Variants in JARID2 observed in about 807,000 individuals in gnomAD.
JARID2 encodes protein Jumonji.
JARID2 carries 21 observed loss-of-function variants against 125.6 expected under a neutral mutation model. The ratio of observed to expected loss-of-function variants is 0.17; its 90% CI spans 0.12 to 0.24. JARID2 has a LOEUF of 0.24. JARID2 is among the 10% of genes least tolerant of loss of function. The pLI is 1.00. For synonymous variants in JARID2, 736 were observed against 661.6 expected (o/e 1.11, Z -1.73); for missense variants, 1,303 against 1,639.6 (o/e 0.79, Z 3.55).
intron 1 of JARID2, among the ~76,000 whole-genome samples, chr6:15,324,848 T>C (rs1762484713): frequency 6.7e-6 from 1 of 149,060 alleles, no homozygotes; most frequent in African/African-American, 2.5e-5. Flanking sequence ...GGTTTTGTTA[T>C]TAAAAAAAAA....
chr6:15,300,911 G>T (rs1408213290), intron 1 of JARID2, among the ~76,000 whole-genome samples: 1 of 152,076 alleles, frequency 6.6e-6, no homozygotes, highest in African/African-American at 2.4e-5. Flanking sequence ...ACAGAAAAAG[G>T]TTAAGGTTAC....
intron 7 of JARID2, among the ~76,000 whole-genome samples, chr6:15,499,035 G>GA (rs1352273730): frequency 1.3e-5 from 2 of 152,102 alleles, no homozygotes; most frequent in African/African-American, 4.8e-5. Context: ...CTTTACCCTC[G>GA]ACTCCCTTAC....
intron 3 of JARID2, among the ~76,000 whole-genome samples, chr6:15,429,900 A>T (rs1213715353): frequency 6.6e-6 from 1 of 152,176 alleles, no homozygotes; most frequent in African/African-American, 2.4e-5. Context: ...TCCTTGGTAC[A>T]TCTGATTAGT....
chr6:15,416,073 C>T (rs1259209081), intron 3 of JARID2, among the ~76,000 whole-genome samples: 1 of 151,748 alleles, frequency 6.6e-6, no homozygotes, highest in African/African-American at 2.4e-5. Context: ...GAGGCGCTCC[C>T]CACATCTCAG....
chr6:15,339,330 G>A (rs960895645), intron 1 of JARID2, among the ~76,000 whole-genome samples: 4 of 152,098 alleles, frequency 2.6e-5, no homozygotes, highest in Non-Finnish European at 5.9e-5. Context: ...AATCCTAAAG[G>A]ATAAATATAT....
chr6:15,512,700 G>T (rs1402332475), intron 14 of JARID2, among the ~76,000 whole-genome samples: 3 of 152,152 alleles, frequency 2.0e-5, no homozygotes, highest in African/African-American at 7.2e-5. Flanking sequence ...TCGTGAGGGA[G>T]TGGCAGCTGC....
chr6:15,283,252 AC>A (rs1483930750), intron 1 of JARID2, among the ~76,000 whole-genome samples: 3 of 150,064 alleles, frequency 2.0e-5, no homozygotes, highest in Non-Finnish European at 4.4e-5. Context: ...TGCTGGGATT[AC>A]AGGTGTGAGC....
chr6:15,507,225 C>T lies in JARID2; in HGVS notation c.2631C>T (p.Phe877=). 2.5e-6 allele frequency: 4 copies of T among 1,613,666 alleles called. No homozygotes were observed. The South Asian group carries it at 3.3e-5, about 13-fold the overall frequency. Residue 877 remains phenylalanine (F), a synonymous_variant, in exon 10 of 18, where the codon TTC becomes TTT. Transcript: ENST00000341776. The part of the protein sequence containing the change: ...KVDTNTHGSG[F]PVGKSEPFSR... ...ACACCAACACTCACGGCAGTGGATTCCCAGTAGGAAAATCAGAACCCTTTT... is the reference window on the plus strand; with the variant it reads ...ACACCAACACTCACGGCAGTGGATTTCCAGTAGGAAAATCAGAACCCTTTT...
chr6:15,283,031 T>G (rs940637765), intron 1 of JARID2, among the ~76,000 whole-genome samples: 2 of 151,854 alleles, frequency 1.3e-5, no homozygotes, highest in South Asian at 4.1e-4. Context: ...CAGGCTGGAG[T>G]GTAGTGGCGC....
At chr6:15,288,796 G>T (rs774127041) in intron 1 of JARID2, among the ~76,000 whole-genome samples, 37 of 152,216 alleles carry the variant, frequency 2.4e-4, no homozygotes, top group Non-Finnish European at 4.7e-4. Flanking sequence ...AGTTAAAGGA[G>T]ATCTTATTGT....
intron 12 of JARID2, among the ~76,000 whole-genome samples, chr6:15,510,854 C>T (rs182688307): frequency 1.3e-5 from 2 of 152,320 alleles, no homozygotes; most frequent in Admixed American, 6.5e-5. Context: ...GAGGGAGCCA[C>T]GTATTCCTTG....
intron 1 of JARID2, among the ~76,000 whole-genome samples, chr6:15,357,420 A>T (rs192432355): frequency 1.3e-5 from 2 of 152,264 alleles, no homozygotes; most frequent in Admixed American, 6.5e-5. Flanking sequence ...TTCATTATGG[A>T]TGTGATTTAA....
intron 3 of JARID2, among the ~76,000 whole-genome samples, chr6:15,436,619 T>C (rs1767215524): frequency 6.6e-6 from 1 of 152,102 alleles, no homozygotes; most frequent in Non-Finnish European, 1.5e-5. Flanking sequence ...GGCCACGCCC[T>C]TCCTCTACCC....
intron 3 of JARID2, among the ~76,000 whole-genome samples, chr6:15,437,037 C>T (rs1185380530): frequency 2.0e-5 from 3 of 152,106 alleles, no homozygotes; most frequent in East Asian, 1.9e-4. Flanking sequence ...GTCCTTCAGC[C>T]GTGTGATTTT....
At chr6:15,338,958 A>G (rs1465779119) in intron 1 of JARID2, among the ~76,000 whole-genome samples, 2 of 152,218 alleles carry the variant, frequency 1.3e-5, no homozygotes, top group African/African-American at 2.4e-5. Context: ...TTACTTTTGA[A>G]TTAAGACCTT....
At chr6:15,343,990 G>A (rs808206) in intron 1 of JARID2, among the ~76,000 whole-genome samples, 2 of 152,116 alleles carry the variant, frequency 1.3e-5, no homozygotes, top group Admixed American at 6.5e-5. Flanking sequence ...GAGAGGACCC[G>A]GACCTGAGAG....
chr6:15,398,811 T>C (rs1765312582), intron 2 of JARID2, among the ~76,000 whole-genome samples: 1 of 152,220 alleles, frequency 6.6e-6, no homozygotes, highest in Non-Finnish European at 1.5e-5. Flanking sequence ...AGTGTTTGAG[T>C]GACAGAACTG....
intron 3 of JARID2, among the ~76,000 whole-genome samples, chr6:15,414,968 G>A (rs980939283): frequency 6.6e-6 from 1 of 152,190 alleles, no homozygotes; most frequent in Non-Finnish European, 1.5e-5. Flanking sequence ...GCGGCTTTCC[G>A]CAGTGTTTGT....
At chr6:15,394,786 A>G (rs1015478651) in intron 2 of JARID2, among the ~76,000 whole-genome samples, 1 of 152,162 alleles carries the variant, frequency 6.6e-6, no homozygotes, top group African/African-American at 2.4e-5. Context: ...AAAGGCCTCA[A>G]AGCTCCAAGG....
Sources: allele counts gnomAD v4.1 joint callset (sites outside exome capture counted in the v4.1 genomes callset), GRCh38; gene constraint gnomAD v4.1.1; transcripts MANE v1.5; gene names NCBI Gene and HGNC (gene_info 2026-07-23, HGNC 2026-07-21).